TTC23: variants seen among roughly 807,000 people sequenced by gnomAD.
TTC23 encodes tetratricopeptide repeat protein 23.
A neutral mutation model predicts 55.1 loss-of-function variants in TTC23; 58 were observed. The observed-to-expected ratio is 1.05, with a 90% CI of 0.85 to 1.31. The LOEUF (loss-of-function observed/expected upper bound fraction) is 1.31. TTC23 is among the 50% of genes most tolerant of loss of function. The pLI, the probability that TTC23 is intolerant of heterozygous loss-of-function variation, is 0.00. For missense variants in TTC23, 516 were observed against 534.4 expected (o/e 0.97, Z 0.34); for synonymous variants, 203 against 199.9 (o/e 1.02, Z -0.13).
At chr15:99,194,350 G>T (rs1295353731) in intron 9 of TTC23, among the ~76,000 whole-genome samples, 1 of 152,004 alleles carries the variant, frequency 6.6e-6, no homozygotes, top group Non-Finnish European at 1.5e-5. Flanking sequence ...CCAACTTGAA[G>T]ACTTACAATA....
intron 5 of TTC23, 61 bp downstream of exon 5, chr15:99,228,472 C>T: frequency 7.1e-7 from 1 of 1,409,556 alleles, no homozygotes; most frequent in Non-Finnish European, 9.5e-7. Context: ...TTCTACTTCT[C>T]TTGATTATAC....
chr15:99,180,782 A>C (rs569139695), intron 9 of TTC23, among the ~76,000 whole-genome samples: 1 of 152,338 alleles, frequency 6.6e-6, no homozygotes, highest in East Asian at 1.9e-4. Context: ...CTCCTACAGC[A>C]AAGTAGAGAT....
chr15:99,175,335 G>A (rs1423552698), intron 9 of TTC23, among the ~76,000 whole-genome samples, 180 bp from the exon 10 acceptor site: 2 of 152,260 alleles, frequency 1.3e-5, no homozygotes, highest in Non-Finnish European at 1.5e-5. Flanking sequence ...TCTGAGTGGT[G>A]GAGGGAACAC....
Position 99,168,764 on chromosome 15 carries a change from C to A in TTC23, c.865+6286G>T, listed in dbSNP as rs547957813. Among the ~76,000 whole-genome samples, 12 of 152,294 alleles carry A rather than the reference C, an allele frequency of 7.9e-5. No homozygotes were observed. The South Asian group carries it at 2.5e-3, about 32-fold the overall frequency. On this transcript the variant is annotated intron_variant, in intron 10 of 13. Coordinates refer to ENST00000394132, the MANE Select transcript of TTC23 (RefSeq NM_001288615.3). ...GCACAAACTTGGGTGGGGAACAGGC[C>A]TCCTCTCCTCCTCCTCCACTGGCCC...
intron 13 of TTC23, among the ~76,000 whole-genome samples, 169 bp from the exon 14 acceptor site, chr15:99,138,296 T>C (rs571307347): frequency 6.6e-6 from 1 of 151,832 alleles, no homozygotes; most frequent in African/African-American, 2.4e-5. Flanking sequence ...TGAGATGTTT[T>C]CCTCCCATCT....
rs565196290 is a variant in TTC23, at chr15:99,139,243, T to C, written c.1226+74A>G. 3 of 1,566,106 alleles carry C rather than the reference T, an allele frequency of 1.9e-6. No individual in the cohort carries two copies. The South Asian group carries it at 3.4e-5, about 18-fold the overall frequency. On this transcript the variant is annotated intron_variant, in intron 13 of 13. Transcript: ENST00000394132. Reference sequence around the variant, plus strand: ...CCAGAGAAGGTTACACAGAACCTTCTAGAACCAGCTTTCTCTTGAGATTCT... The same window carrying C: ...CCAGAGAAGGTTACACAGAACCTTCCAGAACCAGCTTTCTCTTGAGATTCT...
At chr15:99,190,443 C>T (rs189140607) in intron 9 of TTC23, among the ~76,000 whole-genome samples, 5 of 151,712 alleles carry the variant, frequency 3.3e-5, no homozygotes, top group African/African-American at 1.2e-4. Context: ...TAGCTAATTT[C>T]CTTGTTCTTA....
intron 8 of TTC23, 52 bp downstream of exon 8, chr15:99,218,536 G>A (rs2077650675): frequency 3.7e-6 from 6 of 1,610,530 alleles, no homozygotes; most frequent in Non-Finnish European, 5.1e-6. Flanking sequence ...AGATTCTACA[G>A]GCAAAGAGCC....
chr15:99,236,284 C>T (rs182917781), intron 3 of TTC23, among the ~76,000 whole-genome samples: 8 of 152,276 alleles, frequency 5.3e-5, no homozygotes, highest in Non-Finnish European at 1.2e-4. Context: ...AATTCCTCCA[C>T]ATTCCCGACA....
chr15:99,179,973 A>G (rs1307196471), intron 9 of TTC23, among the ~76,000 whole-genome samples: 1 of 152,246 alleles, frequency 6.6e-6, no homozygotes, highest in Non-Finnish European at 1.5e-5. Flanking sequence ...TCATTTGCTG[A>G]GGGAATATAA....
chr15:99,218,513 T>A, intron 8 of TTC23, 75 bp downstream of exon 8: 1 of 1,593,872 alleles, frequency 6.3e-7, no homozygotes, highest in South Asian at 1.1e-5. Context: ...GAGATGCTCC[T>A]CCTACCTGAG....
At chr15:99,244,566 T>C (rs973519040) in intron 2 of TTC23, among the ~76,000 whole-genome samples, 2 of 152,084 alleles carry the variant, frequency 1.3e-5, no homozygotes, top group South Asian at 2.1e-4. Context: ...AGAATAAATA[T>C]GTAGGAATAA....
At chr15:99,224,429 T>A (rs1484063767) in intron 5 of TTC23, among the ~76,000 whole-genome samples, 1 of 152,252 alleles carries the variant, frequency 6.6e-6, no homozygotes, top group African/African-American at 2.4e-5. Context: ...GCTGCTGTTT[T>A]AACAATTTAC....
At chr15:99,182,795 A>T (rs559016168) in intron 9 of TTC23, among the ~76,000 whole-genome samples, 1 of 151,364 alleles carries the variant, frequency 6.6e-6, no homozygotes, top group Non-Finnish European at 1.5e-5. Context: ...AACAAAGAAC[A>T]TGTATCATTT....
intron 2 of TTC23, among the ~76,000 whole-genome samples, chr15:99,242,272 C>A (rs979154196): frequency 1.3e-5 from 2 of 151,100 alleles, no homozygotes; most frequent in African/African-American, 4.9e-5. Context: ...ATAAAAAATA[C>A]CAAAAAAATA....
At chr15:99,151,018 C>G (rs1456041058) in intron 12 of TTC23, among the ~76,000 whole-genome samples, 1 of 152,172 alleles carries the variant, frequency 6.6e-6, no homozygotes, top group Non-Finnish European at 1.5e-5. Context: ...GGACACTTTC[C>G]CTAAATCTCT....
chr15:99,218,892 G>C lies in TTC23; in HGVS notation c.455+6C>G. The stretch of plus-strand genomic sequence containing the variant: ...CTATTTGTAAAAGTTAGAGGCAAAA[G>C]GATACTTTTGAAGGGAGAGTAAAGC... On this transcript the variant is annotated splice_donor_region_variant and intron_variant, in intron 7 of 13. Transcript: ENST00000394132. 6.2e-7 allele frequency: 1 copy of C among 1,609,998 alleles called. No individual in the cohort carries two copies. Among genetic ancestry groups the C allele is most frequent in the Non-Finnish European group, 8.5e-7 (1 of 1,178,034 alleles).
chr15:99,224,990 A>C (rs1294191380), intron 5 of TTC23, among the ~76,000 whole-genome samples: 1 of 152,184 alleles, frequency 6.6e-6, no homozygotes, highest in Non-Finnish European at 1.5e-5. Context: ...AGAGAAAGAG[A>C]ACAACAACTA....
At chr15:99,156,029 C>T in intron 12 of TTC23, 119 bp downstream of exon 12, 1 of 1,377,936 alleles carries the variant, frequency 7.3e-7, no homozygotes. Flanking sequence ...GTGATGTCAT[C>T]CTATCTAAAC....
Sources: allele counts gnomAD v4.1 joint callset (sites outside exome capture counted in the v4.1 genomes callset), GRCh38; gene constraint gnomAD v4.1.1; transcripts MANE v1.5; gene names NCBI Gene and HGNC (gene_info 2026-07-23, HGNC 2026-07-21).